RING1: variants seen among roughly 807,000 people sequenced by gnomAD.
RING1 encodes the protein E3 ubiquitin-protein ligase RING1.
Under a neutral mutation model 35.0 loss-of-function variants are expected in RING1, and 8 were observed. The ratio of observed to expected loss-of-function variants is 0.23; its 90% CI spans 0.13 to 0.41. The LOEUF (loss-of-function observed/expected upper bound fraction) is 0.41. RING1 is among the 10% of genes least tolerant of loss of function. The probability of loss-of-function intolerance (pLI) is 1.00; values close to 1 mark genes in which losing one functional copy is unlikely to be tolerated. For synonymous variants in RING1, 214 were observed against 224.3 expected, an observed-to-expected ratio of 0.95 and a Z score of 0.41; for missense variants, 343 against 546.8, an observed-to-expected ratio of 0.63 and a Z score of 3.72.
chr6:33,212,223 C>T, intron 6 of RING1, 75 bp from the exon 7 acceptor site: 2 of 1,134,788 alleles, frequency 1.8e-6, no homozygotes, highest in South Asian at 1.3e-5. Flanking sequence ...CCTTTTGCCT[C>T]TCATTCATTT....
Position 33,208,843 on chromosome 6 carries a change from C to A in RING1, c.21C>A (p.Ala7=). The change falls in exon 2 of 7, where the codon GCC becomes GCA. Residue 7 remains alanine, a synonymous_variant. Coordinates refer to ENST00000374656, the MANE Select transcript of RING1 (RefSeq NM_002931.4). The surrounding 1 kb of genome is among the most constrained non-coding windows in gnomAD (Gnocchi z 6.2). ...TCACCATGACGACGCCGGCGAATGCCCAGAATGCCAGCAAAACGTGGGAAC... is the reference window on the plus strand; with the variant it reads ...TCACCATGACGACGCCGGCGAATGCACAGAATGCCAGCAAAACGTGGGAAC... The part of the protein sequence containing the change: MTTPAN[A]QNASKTWELS... 1 of 1,608,302 alleles carries A rather than the reference C, an allele frequency of 6.2e-7. No homozygotes were observed. Among genetic ancestry groups the A allele is most frequent in the South Asian group, 1.1e-5 (1 of 90,870 alleles).
intron 6 of RING1, 86 bp downstream of exon 6, chr6:33,212,088 C>A: frequency 9.4e-7 from 1 of 1,059,800 alleles, no homozygotes; most frequent in Non-Finnish European, 1.4e-6. Context: ...TGGTCTAACT[C>A]ATCAGCACTC....
chr6:33,209,275 T>C lies in RING1; in HGVS notation c.79-351T>C, dbSNP rs1775371216. 1.8e-6 allele frequency: 1 copy of C among 562,776 alleles called. No individual in the cohort carries two copies. Among genetic ancestry groups the C allele is most frequent in the African/African-American group, 1.9e-5 (1 of 53,344 alleles). 34.9% of individuals were successfully genotyped at this position (562,776 alleles called of 1,614,324 possible). ...AATTGGGTTCTCAGAATCTGAATTT[T>C]TAACAGGCACCCTATGGGGTTCTAA... On this transcript the variant is annotated intron_variant, in intron 2 of 6. Transcript: ENST00000374656. The surrounding 1 kb of genome is among the most constrained non-coding windows in gnomAD (Gnocchi z 5.1).
At position 33,209,739 on chromosome 6, in the gene RING1, C is replaced by T; in HGVS notation, c.192C>T (p.Cys64=). 1 of 1,613,578 alleles carries T rather than the reference C, an allele frequency of 6.2e-7. No homozygotes were observed. The highest frequency in any genetic ancestry group is 8.5e-7 in the Non-Finnish European group (1 of 1,180,018). ...MLKNTMTTKE[C]LHRFCSDCIV... ...AGAATACGATGACCACCAAGGAGTGCCTCCACAGATTCTGCTCTGACTGCA... is the reference window on the plus strand; with the variant it reads ...AGAATACGATGACCACCAAGGAGTGTCTCCACAGATTCTGCTCTGACTGCA... The change falls in exon 3 of 7, where the codon TGC becomes TGT. Residue 64 remains cysteine, a synonymous_variant. Coordinates refer to ENST00000374656, the MANE Select transcript of RING1 (RefSeq NM_002931.4). The surrounding 1 kb of genome is among the most constrained non-coding windows in gnomAD (Gnocchi z 5.1).
Position 33,209,589 on chromosome 6 carries a change from TA to T in RING1, c.79-35del. The T allele has an allele frequency of 6.2e-7, 1 of 1,600,066 alleles. No homozygotes were observed. The highest frequency in any genetic ancestry group is 8.5e-7 in the Non-Finnish European group (1 of 1,171,166). On this transcript the variant is annotated intron_variant, in intron 2 of 6. Coordinates refer to ENST00000374656, the MANE Select transcript of RING1 (RefSeq NM_002931.4). This position sits in a 1 kb window ranked among gnomAD's most constrained non-coding sequence, Gnocchi z 5.1. ...GCTGTTTCTAAAACCCCTTTCCCTC[TA>T]ACCCACACCACCTTTCTACTCACTG...
Position 33,212,290 on chromosome 6 carries a change from C to T in RING1, c.1120-8C>T, listed in dbSNP as rs750358408. The T allele has an allele frequency of 2.2e-5, 35 of 1,559,620 alleles. No homozygotes were observed. The highest frequency in any genetic ancestry group is 2.8e-5 in the Non-Finnish European group (32 of 1,147,882). ...TTTTCCCCTCTCTCCCTTTTACCCC[C>T]TCCTCAGACGTTGAATGGCTCGCTG... On this transcript the variant is annotated splice_region_variant and splice_polypyrimidine_tract_variant and intron_variant, in intron 6 of 6. Coordinates refer to ENST00000374656, the MANE Select transcript of RING1 (RefSeq NM_002931.4).
At position 33,211,210 on chromosome 6, in the gene RING1, AG is replaced by A; in HGVS notation, c.509del (p.Ser170MetfsTer17). 6.2e-7 allele frequency: 1 copy of A among 1,612,714 alleles called. No homozygotes were observed. On this transcript the variant is annotated frameshift_variant, in exon 5 of 7. Transcript: ENST00000374656. LOFTEE classifies it high-confidence loss of function. This position sits in a 1 kb window ranked among gnomAD's most constrained non-coding sequence, Gnocchi z 6.3. ...AGGGTCAGATCAGACCACAACGATG[AG>A]TGGGGGGGAAGGAGAGCCCGGGGAG... Reference protein sequence around the residue: ...IPGSDQTTTMSGGEGEPGEGE... With the variant: ...IPGSDQTTTMXGGEGEPGEGE...
In RING1 at chr6:33,211,936, C is replaced by A; in HGVS notation, c.1053C>A (p.Pro351=). The A allele has an allele frequency of 6.3e-7, 1 of 1,594,936 alleles. No homozygotes were observed. Among genetic ancestry groups the A allele is most frequent in the East Asian group, 2.3e-5 (1 of 43,876 alleles). Reference sequence around the variant, plus strand: ...ACGGTCCTGAGGAGCCTGCTTTGCCCAGCCTGGAGGGCGTCAGTGAAAAGC... The same window carrying A: ...ACGGTCCTGAGGAGCCTGCTTTGCCAAGCCTGGAGGGCGTCAGTGAAAAGC... ...GGDGPEEPAL[P]SLEGVSEKQY... The change falls in exon 6 of 7, where the codon CCC becomes CCA. Residue 351 remains proline (P), a synonymous_variant. Transcript: ENST00000374656. The surrounding 1 kb of genome is among the most constrained non-coding windows in gnomAD (Gnocchi z 6.3).
chr6:33,212,289 C>T lies in RING1; in HGVS notation c.1120-9C>T, dbSNP rs1213185514. ...CTTTTCCCCTCTCTCCCTTTTACCC[C>T]CTCCTCAGACGTTGAATGGCTCGCT... is the stretch of plus-strand genomic sequence containing the variant. On this transcript the variant is annotated splice_polypyrimidine_tract_variant and intron_variant, in intron 6 of 6. Coordinates refer to ENST00000374656, the MANE Select transcript of RING1 (RefSeq NM_002931.4). 7 of 1,555,964 alleles carry T rather than the reference C, an allele frequency of 4.5e-6. No individual in the cohort carries two copies. The highest frequency in any genetic ancestry group is 6.1e-6 in the Non-Finnish European group (7 of 1,144,888).
At position 33,209,514 on chromosome 6, in the gene RING1, C is replaced by T; in HGVS notation, c.79-112C>T. On this transcript the variant is annotated intron_variant, in intron 2 of 6. Transcript: ENST00000374656. The surrounding 1 kb of genome is among the most constrained non-coding windows in gnomAD (Gnocchi z 5.1). ...TCAGAATTCTTGTCTCCTATAGAGA[C>T]CAACATGGGTCTTCTCACTGTATTT... is the stretch of plus-strand genomic sequence containing the variant. 9.5e-7 allele frequency: 1 copy of T among 1,053,566 alleles called. No individual in the cohort carries two copies. The highest frequency in any genetic ancestry group is 1.5e-5 in the South Asian group (1 of 66,778). The allele number at this position is 1,053,566 out of a possible 1,614,324, so 65.3% of individuals were successfully genotyped here.
chr6:33,212,419 G>C lies in RING1; in HGVS notation c.*20G>C. 1 of 1,499,968 alleles carries C rather than the reference G, an allele frequency of 6.7e-7. No individual in the cohort carries two copies. The highest frequency in any genetic ancestry group is 1.4e-5 in the African/African-American group (1 of 72,454). 92.9% of individuals were successfully genotyped at this position (1,499,968 alleles called of 1,614,324 possible). ...AAGTGACCCCACCAGGGGACAGCCA[G>C]AGGAAGGGGACCATGGGGTATCCCT... On this transcript the variant is annotated 3_prime_UTR_variant, in exon 7 of 7. Transcript: ENST00000374656.
In RING1 at chr6:33,210,121, C is replaced by G; in HGVS notation, c.446C>G (p.Ala149Gly). Residue 149 changes from alanine to glycine, a missense_variant, in exon 4 of 7, where the codon GCC (alanine) becomes GGC (glycine). Physicochemically the swap from Ala to Gly is moderately conservative, Grantham distance 60. Around this residue, in one of 2 missense-constraint regions of RING1, gnomAD observed 278 missense variants for 383.5 expected, o/e 0.72. Coordinates refer to ENST00000374656, the MANE Select transcript of RING1 (RefSeq NM_002931.4). ...ATTGAGGAGGGGCTACGCATGCAGG[C>G]CATGCACAGGTGTGAGGGTCAGGAG... is the stretch of plus-strand genomic sequence containing the variant. ...SSIEEGLRMQ[A>G]MHRAQRVRRP... 1.9e-6 allele frequency: 3 copies of G among 1,613,942 alleles called. No homozygotes were observed. The highest frequency in any genetic ancestry group is 2.5e-6 in the Non-Finnish European group (3 of 1,179,978).
chr6:33,210,007 A>G lies in RING1; in HGVS notation c.332A>G (p.Tyr111Cys), dbSNP rs1775413898. 1 of 1,614,050 alleles carries G rather than the reference A, an allele frequency of 6.2e-7. No homozygotes were observed. The highest frequency in any genetic ancestry group is 1.3e-5 in the African/African-American group (1 of 74,926). The change falls in exon 4 of 7, where the codon TAT becomes TGT. Residue 111 changes from tyrosine to cysteine, a missense_variant. Coordinates refer to ENST00000374656, the MANE Select transcript of RING1 (RefSeq NM_002931.4). ...PNFDALISKI[Y>C]PSREEYEAHQ... ...TTTGATGCCCTGATCTCTAAGATCT[A>G]TCCTAGCCGGGAGGAATACGAGGCC...
chr6:33,211,842 G>T lies in RING1; in HGVS notation c.959G>T (p.Gly320Val), dbSNP rs1262370922. The T allele has an allele frequency of 1.9e-6, 3 of 1,612,344 alleles. No individual in the cohort carries two copies. The highest frequency in any genetic ancestry group is 8.5e-7 in the Non-Finnish European group (1 of 1,179,346). Residue 320 changes from glycine to valine, a missense_variant, in exon 6 of 7, where the codon GGA (glycine) becomes GTA (valine). Physicochemically the swap from Gly to Val is moderately radical, Grantham distance 109. Around this residue, in one of 2 missense-constraint regions of RING1, gnomAD observed 278 missense variants for 383.5 expected, o/e 0.72. Coordinates refer to ENST00000374656, the MANE Select transcript of RING1 (RefSeq NM_002931.4). The surrounding 1 kb of genome is among the most constrained non-coding windows in gnomAD (Gnocchi z 6.3). ...QQEAGEPGGP[G>V]GGASDTGGPD... is the part of the protein sequence containing the mutation. Reference sequence around the variant, plus strand: ...GAAGCAGGGGAGCCAGGAGGGCCTGGAGGGGGCGCCTCTGACACCGGAGGA... The same window carrying T: ...GAAGCAGGGGAGCCAGGAGGGCCTGTAGGGGGCGCCTCTGACACCGGAGGA...
rs1775604108 is a variant in RING1 at position 33,212,292 on chromosome 6, C to T, written c.1120-6C>T. 5 of 1,565,442 alleles carry T rather than the reference C, an allele frequency of 3.2e-6. No homozygotes were observed. Among genetic ancestry groups the T allele is most frequent in the Non-Finnish European group, 3.5e-6 (4 of 1,152,358 alleles). On this transcript the variant is annotated splice_region_variant and splice_polypyrimidine_tract_variant and intron_variant, in intron 6 of 6. Transcript: ENST00000374656. ...TTCCCCTCTCTCCCTTTTACCCCCT[C>T]CTCAGACGTTGAATGGCTCGCTGAC...
Position 33,209,475 on chromosome 6 carries a change from A to G in RING1, c.79-151A>G. On this transcript the variant is annotated intron_variant, in intron 2 of 6. Transcript: ENST00000374656. This position sits in a 1 kb window ranked among gnomAD's most constrained non-coding sequence, Gnocchi z 5.1. Reference sequence around the variant, plus strand: ...TTTTCTCCATTTGCTCCAAGTCATCAGTCCTTCTCTTTCTCAGAATTCTTG... The same window carrying G: ...TTTTCTCCATTTGCTCCAAGTCATCGGTCCTTCTCTTTCTCAGAATTCTTG... The G allele has an allele frequency of 1.4e-6, 1 of 695,188 alleles. No homozygotes were observed. 43.1% of individuals were successfully genotyped at this position (695,188 alleles called of 1,614,324 possible).
Position 33,211,328 on chromosome 6 carries a change from G to C in RING1, c.626G>C (p.Gly209Ala), listed in dbSNP as rs200721333. ...AAGCGACCCCGTGGAGGGGGCGCAG[G>C]GGGGAGCAGTGTAGGGACAGGGGGA... ...APKRPRGGGA[G>A]GSSVGTGGGG... The change falls in exon 5 of 7, where the codon GGG (glycine) becomes GCG (alanine). Residue 209 changes from glycine (G) to alanine (A), a missense_variant. Around this residue, in one of 2 missense-constraint regions of RING1, gnomAD observed 278 missense variants for 383.5 expected, o/e 0.72. Coordinates refer to ENST00000374656, the MANE Select transcript of RING1 (RefSeq NM_002931.4). The surrounding 1 kb of genome is among the most constrained non-coding windows in gnomAD (Gnocchi z 6.3). 2.9e-5 allele frequency: 46 copies of C among 1,610,026 alleles called. No individual in the cohort carries two copies. Among genetic ancestry groups the C allele is most frequent in the African/African-American group, 9.4e-5 (7 of 74,760 alleles).
chr6:33,210,133 G>A lies in RING1; in HGVS notation c.455+3G>A, dbSNP rs1006447276. ...CTACGCATGCAGGCCATGCACAGGT[G>A]TGAGGGTCAGGAGAGAAGCAGAACT... On this transcript the variant is annotated splice_donor_region_variant and intron_variant, in intron 4 of 6. Coordinates refer to ENST00000374656, the MANE Select transcript of RING1 (RefSeq NM_002931.4). 4.3e-6 allele frequency: 7 copies of A among 1,613,444 alleles called. No homozygotes were observed. In the African/African-American group the frequency reaches 6.7e-5, roughly 15 times the overall value.
At position 33,212,454 on chromosome 6, in the gene RING1, T is replaced by C; in HGVS notation, c.*55T>C. 2 of 1,186,900 alleles carry C rather than the reference T, an allele frequency of 1.7e-6. No individual in the cohort carries two copies. The highest frequency in any genetic ancestry group is 2.4e-6 in the Non-Finnish European group (2 of 817,980). The allele number at this position is 1,186,900 out of a possible 1,614,324, so 73.5% of individuals were successfully genotyped here. A position where few individuals can be genotyped will look rare whatever the true frequency, so the allele number is the denominator to read the frequency against. On this transcript the variant is annotated 3_prime_UTR_variant, in exon 7 of 7. Transcript: ENST00000374656. The stretch of plus-strand genomic sequence containing the variant: ...ACCATGGGGTATCCCTGTGTCCTGG[T>C]CTATCACCCCAGCTTCTTTGTCCCC...
Sources: gnomAD v4.1 joint callset for allele counts on GRCh38, gnomAD v4.1.1 for gene constraint, gnomAD v4.1.1 regional missense constraint, Gnocchi (gnomAD v3.1) non-coding constraint, MANE v1.5 for transcripts, NCBI Gene and HGNC (gene_info 2026-07-23, HGNC 2026-07-21) for gene names.